Variants in L3MBTL1 observed in about 807,000 individuals in gnomAD.
The protein encoded by L3MBTL1 is L3MBTL histone methyl-lysine binding protein 1, also known as lethal(3)malignant brain tumor-like protein 1.
In L3MBTL1, 75 loss-of-function variants were observed where a neutral mutation model predicts 105.3. That is an observed-to-expected ratio of 0.71 (90% CI 0.59 to 0.86). The LOEUF (loss-of-function observed/expected upper bound fraction) is 0.86. Ranked by LOEUF, L3MBTL1 falls within the 40% of genes least tolerant of loss-of-function variation. The pLI, the probability that L3MBTL1 is intolerant of heterozygous loss-of-function variation, is 0.00. For synonymous variants in L3MBTL1, 452 were observed against 436.2 expected, an observed-to-expected ratio of 1.04 and a Z score of -0.45; for missense variants, 1,069 against 1,126.4, an observed-to-expected ratio of 0.95 and a Z score of 0.73.
chr20:43,530,719 C>A, intron 10 of L3MBTL1, 79 bp from the exon 11 acceptor site: 2 of 1,338,674 alleles, frequency 1.5e-6, no homozygotes, highest in Non-Finnish European at 2.1e-6. Context: ...ATGCCTGATT[C>A]TGCTGCTTCA....
Position 43,534,090 on chromosome 20 carries a change from G to T in L3MBTL1, c.1596G>T (p.Lys532Asn), listed in dbSNP as rs139693776. ...GASAVPTWAF[K>N]VRPPHSFLVN... Reference sequence around the variant, plus strand: ...CTGCTGTCCCCACCTGGGCCTTCAAGGTGGTGAGTCAGTGCTCCCTGACCC... The same window carrying T: ...CTGCTGTCCCCACCTGGGCCTTCAATGTGGTGAGTCAGTGCTCCCTGACCC... The change falls in exon 14 of 22, where the codon AAG becomes AAT. Residue 532 changes from lysine to asparagine, a missense_variant. Coordinates refer to ENST00000418998, the MANE Select transcript of L3MBTL1 (RefSeq NM_001377303.1). 11 of 1,613,440 alleles carry T rather than the reference G, an allele frequency of 6.8e-6. No individual in the cohort carries two copies. The African/African-American group carries it at 1.5e-4, about 22-fold the overall frequency.
In L3MBTL1 at chr20:43,508,885, AG is replaced by A. The variant is rs369532760; in HGVS notation, c.-29+1146del. Reference sequence around the variant, plus strand: ...TGCAGAGGTGTTCCAAAGTAAGGCAAGGGGGTGGGGTCTTTACACCTCATAG... The same window carrying A: ...TGCAGAGGTGTTCCAAAGTAAGGCAAGGGGTGGGGTCTTTACACCTCATAG... On this transcript the variant is annotated intron_variant, in intron 1 of 21. Coordinates refer to ENST00000418998, the MANE Select transcript of L3MBTL1 (RefSeq NM_001377303.1). Among the ~76,000 whole-genome samples, 138 of 152,318 alleles carry A rather than the reference AG, an allele frequency of 9.1e-4. 2 individuals carry two copies. The East Asian group carries it at 0.018, about 19-fold the overall frequency.
At chr20:43,516,012 A>G (rs976829903) in intron 6 of L3MBTL1, 81 bp from the exon 7 acceptor site, 16 of 1,068,360 alleles carry the variant, frequency 1.5e-5, no homozygotes, top group Non-Finnish European at 2.3e-5. Context: ...CCAGAGAGCC[A>G]GGTAGGGGCC....
chr20:43,516,762 C>T (rs2018415467), intron 7 of L3MBTL1, among the ~76,000 whole-genome samples: 1 of 151,768 alleles, frequency 6.6e-6, no homozygotes, highest in South Asian at 2.1e-4. Context: ...AGGACAGTAT[C>T]TGTTTTTTTT....
chr20:43,536,948 G>A (rs1600955204), intron 19 of L3MBTL1, among the ~76,000 whole-genome samples: 1 of 152,216 alleles, frequency 6.6e-6, no homozygotes, highest in African/African-American at 2.4e-5. Flanking sequence ...CTATGGGCCA[G>A]GCACTATGCC....
chr20:43,528,749 A>G lies in L3MBTL1; in HGVS notation c.951+4A>G. On this transcript the variant is annotated splice_donor_region_variant and intron_variant, in intron 8 of 21. Coordinates refer to ENST00000418998, the MANE Select transcript of L3MBTL1 (RefSeq NM_001377303.1). ...TCCAGTCAGCCTCTTCCAGGACGTG[A>G]GTTGGACAATTTCCCCGTAGGAACA... 1 of 1,610,276 alleles carries G rather than the reference A, an allele frequency of 6.2e-7. No homozygotes were observed. The highest frequency in any genetic ancestry group is 1.1e-5 in the South Asian group (1 of 90,982).
intron 7 of L3MBTL1, among the ~76,000 whole-genome samples, chr20:43,517,778 A>G (rs758355096): frequency 6.6e-5 from 10 of 152,186 alleles, no homozygotes; most frequent in Admixed American, 1.3e-4. Flanking sequence ...TTCTTAGGAC[A>G]TTATCCTGCC....
chr20:43,548,328 T>G, exon 19 of L3MBTL1: 2 of 1,158,122 alleles, frequency 1.7e-6, no homozygotes, highest in Non-Finnish European at 2.3e-6. Flanking sequence ...GAATTCCTCA[T>G]ACCCCACACG....
At position 43,541,085 on chromosome 20, in the gene L3MBTL1, A is replaced by C. The variant is rs6030948; in HGVS notation, c.2546A>C (p.His849Pro). ...TCACTCCTCTGCTCTCTACCCACTC[A>C]TTTGCTTGCCAAACTTAGCTTTGCC... ...VHSLLCSLPT[H>P]LLAKLSFASD... is the part of the protein sequence containing the mutation. The change falls in exon 22 of 22, where the codon CAT becomes CCT. Residue 849 changes from histidine to proline, a missense_variant. Coordinates refer to ENST00000418998, the MANE Select transcript of L3MBTL1 (RefSeq NM_001377303.1). 107 of 1,614,064 alleles carry C rather than the reference A, an allele frequency of 6.6e-5. 1 individual carries two copies. The South Asian group carries it at 1.1e-3, about 17-fold the overall frequency.
At position 43,523,662 on chromosome 20, in the gene L3MBTL1, A is replaced by G. The variant is rs573402659; in HGVS notation, c.863-4995A>G. ...TCCTGAAGGTCTGTACTGGTCAACA[A>G]GATCTCCTTATCCTTTTAATATCTA... On this transcript the variant is annotated intron_variant, in intron 7 of 21. Transcript: ENST00000418998. 4 of 181,720 alleles carry G rather than the reference A, an allele frequency of 2.2e-5. No homozygotes were observed. The South Asian group carries it at 4.6e-4, about 21-fold the overall frequency. The allele number at this position is 181,720 out of a possible 1,614,324, so 11.3% of individuals were successfully genotyped here.
intron 12 of L3MBTL1, 100 bp downstream of exon 12, chr20:43,533,024 C>A: frequency 8.4e-7 from 1 of 1,184,818 alleles, no homozygotes; most frequent in Non-Finnish European, 1.2e-6. Context: ...CAGTCCAGTT[C>A]TGACATTCAG....
Position 43,514,654 on chromosome 20 carries a change from A to G in L3MBTL1, c.380A>G (p.Lys127Arg). 1 of 1,597,168 alleles carries G rather than the reference A, an allele frequency of 6.3e-7. No homozygotes were observed. Among genetic ancestry groups the G allele is most frequent in the South Asian group, 1.1e-5 (1 of 88,436 alleles). Residue 127 changes from lysine to arginine, a missense_variant, in exon 4 of 22, where the codon AAG becomes AGG. Coordinates refer to ENST00000418998, the MANE Select transcript of L3MBTL1 (RefSeq NM_001377303.1). Reference sequence around the variant, plus strand: ...CTCCAGTTCCGGATAAGCGAGTATAAGCCGCTGAACATGGCGGGAGTGGAG... The same window carrying G: ...CTCCAGTTCCGGATAAGCGAGTATAGGCCGCTGAACATGGCGGGAGTGGAG... ...GGLRFRISEY[K>R]PLNMAGVEQP... is the part of the protein sequence containing the mutation.
chr20:43,540,325 C>G lies in L3MBTL1; in HGVS notation c.2331+17C>G. 2.5e-6 allele frequency: 4 copies of G among 1,609,592 alleles called. No individual in the cohort carries two copies. The highest frequency in any genetic ancestry group is 3.4e-6 in the Non-Finnish European group (4 of 1,177,426). ...ATCGATGAGGTGAGGAGCGAGGGCCCTTCTTTATCCTTCTCTTCCTCTCCT... is the reference window on the plus strand; with the variant it reads ...ATCGATGAGGTGAGGAGCGAGGGCCGTTCTTTATCCTTCTCTTCCTCTCCT... On this transcript the variant is annotated intron_variant, in intron 20 of 21. Coordinates refer to ENST00000418998, the MANE Select transcript of L3MBTL1 (RefSeq NM_001377303.1).
chr20:43,512,368 C>T (rs142364175), intron 1 of L3MBTL1, among the ~76,000 whole-genome samples: 1 of 152,190 alleles, frequency 6.6e-6, no homozygotes, highest in Non-Finnish European at 1.5e-5. Flanking sequence ...TAGCTACTGT[C>T]GCTATTTATT....
intron 18 of L3MBTL1, among the ~76,000 whole-genome samples, chr20:43,547,262 G>A (rs890431370): frequency 2.4e-4 from 36 of 151,992 alleles, no homozygotes; most frequent in African/African-American, 6.5e-4. Flanking sequence ...CCGCCACCAC[G>A]CCCAGCTAAT....
At chr20:43,550,587 A>G (rs1482750310) in exon 19 of L3MBTL1, 1 of 152,170 alleles carries the variant, frequency 6.6e-6, no homozygotes, top group East Asian at 1.9e-4. Flanking sequence ...GTTGGCAGAG[A>G]CTTCTGGTGC....
At chr20:43,522,557 C>T (rs1055576276) in intron 7 of L3MBTL1, among the ~76,000 whole-genome samples, 2 of 143,708 alleles carry the variant, frequency 1.4e-5, no homozygotes, top group Non-Finnish European at 3.0e-5. Context: ...CTGTGACCCC[C>T]GCCTTGCAAG....
At position 43,533,341 on chromosome 20, in the gene L3MBTL1, G is replaced by T; in HGVS notation, c.1437-1G>T. ...GACAGTGACATGTTCTTGGATTTCAGGTGTGATCCCAGCAGCCCCTACATC... is the reference window on the plus strand; with the variant it reads ...GACAGTGACATGTTCTTGGATTTCATGTGTGATCCCAGCAGCCCCTACATC... On this transcript the variant is annotated splice_acceptor_variant, in intron 12 of 21. Transcript: ENST00000418998. LOFTEE classifies it high-confidence loss of function. 1.2e-6 allele frequency: 2 copies of T among 1,613,588 alleles called. No individual in the cohort carries two copies. Among genetic ancestry groups the T allele is most frequent in the Non-Finnish European group, 1.7e-6 (2 of 1,179,772 alleles).
At position 43,541,756 on chromosome 20, in the gene L3MBTL1, A is replaced by G; in HGVS notation, c.*628A>G. 1.1e-6 allele frequency: 1 copy of G among 924,816 alleles called. No homozygotes were observed. The highest frequency in any genetic ancestry group is 4.9e-5 in the South Asian group (1 of 20,294). The allele number at this position is 924,816 out of a possible 1,614,324, so 57.3% of individuals were successfully genotyped here. A position where few individuals can be genotyped will look rare whatever the true frequency, so the allele number is the denominator to read the frequency against. On this transcript the variant is annotated 3_prime_UTR_variant, in exon 22 of 22. Transcript: ENST00000418998. ...TTTAAATGTGGAATCATTGACAGAA[A>G]TGTCTTTATGTAGCATATGGCTGTG...
Sources: allele counts gnomAD v4.1 joint callset (sites outside exome capture counted in the v4.1 genomes callset), GRCh38; gene constraint gnomAD v4.1.1; transcripts MANE v1.5; gene names NCBI Gene and HGNC (gene_info 2026-07-23, HGNC 2026-07-21).